The following PBX1 variants were observed in gnomAD, a reference collection of about 807,000 sequenced individuals.
The protein encoded by PBX1 is pre-B-cell leukemia transcription factor 1.
A neutral mutation model predicts 53.4 loss-of-function variants in PBX1; 6 were observed. The observed-to-expected ratio is 0.11, with a 90% CI of 0.06 to 0.22. The LOEUF is 0.22. Ranked by LOEUF, PBX1 falls within the 10% of genes least tolerant of loss-of-function variation. PBX1 has a pLI of 1.00. For missense variants in PBX1, 251 were observed against 551.4 expected (o/e 0.46, Z 5.46); for synonymous variants, 204 against 212.3 (o/e 0.96, Z 0.34).
intron 5 of PBX1, among the ~76,000 whole-genome samples, chr1:164,810,121 A>G (rs891155656): frequency 6.6e-6 from 1 of 152,162 alleles, no homozygotes; most frequent in Admixed American, 6.5e-5. Flanking sequence ...CATAAATTTT[A>G]CTTCCTAATG....
At chr1:164,602,672 A>G (rs1184690326) in intron 2 of PBX1, among the ~76,000 whole-genome samples, 1 of 145,368 alleles carries the variant, frequency 6.9e-6, no homozygotes, top group Non-Finnish European at 1.5e-5. Context: ...CCATTCCACT[A>G]CCTTCCCACC....
intron 3 of PBX1, 44 bp from the exon 4 acceptor site, chr1:164,799,655 G>A (rs754375695): frequency 6.3e-7 from 1 of 1,578,420 alleles, no homozygotes; most frequent in African/African-American, 1.3e-5. Context: ...TGCGTGTTGA[G>A]GCTTGGACCC....
chr1:164,590,417 C>T (rs140741365), intron 2 of PBX1: 45 of 455,946 alleles, frequency 9.9e-5, no homozygotes, highest in African/African-American at 6.2e-4. Flanking sequence ...CAATCGCCGC[C>T]GCCCCCCTGT....
chr1:164,791,232 A>G (rs975175358), intron 2 of PBX1, among the ~76,000 whole-genome samples: 3 of 139,150 alleles, frequency 2.2e-5, no homozygotes, highest in Non-Finnish European at 4.4e-5. Context: ...AAGGGGTAGT[A>G]AAAAAGACTG....
chr1:164,576,004 A>C (rs1315398103), intron 2 of PBX1, among the ~76,000 whole-genome samples: 3 of 152,200 alleles, frequency 2.0e-5, no homozygotes, highest in East Asian at 3.9e-4. Flanking sequence ...AAAAAGAAAA[A>C]ACAAAACCCA....
At chr1:164,683,923 ATCC>A (rs1661939570) in intron 2 of PBX1, 1 of 152,132 alleles carries the variant, frequency 6.6e-6, no homozygotes, top group African/African-American at 2.4e-5. Flanking sequence ...GGCACCAGCA[ATCC>A]TCCTGAGTAG....
At chr1:164,687,799 T>C (rs1319797152) in intron 2 of PBX1, among the ~76,000 whole-genome samples, 1 of 152,226 alleles carries the variant, frequency 6.6e-6, no homozygotes, top group African/African-American at 2.4e-5. Context: ...CACTTAGTTC[T>C]GAGTTCTTTC....
At chr1:164,601,499 G>C (rs1046467326) in intron 2 of PBX1, among the ~76,000 whole-genome samples, 1 of 152,126 alleles carries the variant, frequency 6.6e-6, no homozygotes, top group Non-Finnish European at 1.5e-5. Context: ...TATTCCACTG[G>C]AATAGGGGAA....
rs1408115043 is a variant in PBX1, at chr1:164,849,389, C to A, written c.*2713C>A. The A allele has an allele frequency of 9.8e-6, 15 of 1,535,642 alleles. No individual in the cohort carries two copies. The South Asian group carries it at 1.7e-4, about 17-fold the overall frequency. ...GCCCACTATCACTTCCGACTTCCAA[C>A]GTGGCATCCGTGAGATCTGTCCACA... On this transcript the variant is annotated 3_prime_UTR_variant, in exon 9 of 9. Coordinates refer to ENST00000420696, the MANE Select transcript of PBX1 (RefSeq NM_002585.4).
chr1:164,574,167 T>C (rs1654063620), intron 2 of PBX1, among the ~76,000 whole-genome samples: 1 of 152,216 alleles, frequency 6.6e-6, no homozygotes, highest in South Asian at 2.1e-4. Flanking sequence ...TAGCTCTTCA[T>C]TTTAGGTTCT....
chr1:164,624,774 A>G (rs939152691), intron 2 of PBX1, among the ~76,000 whole-genome samples: 2 of 152,196 alleles, frequency 1.3e-5, no homozygotes, highest in Non-Finnish European at 2.9e-5. Context: ...AGCTAAAAAT[A>G]CAATAACTCT....
intron 3 of PBX1, 88 bp from the exon 4 acceptor site, chr1:164,799,611 G>C (rs1254280903): frequency 8.3e-7 from 1 of 1,199,864 alleles, no homozygotes; most frequent in East Asian, 2.4e-5. Flanking sequence ...CAAGTCTCTA[G>C]AAAAGCCCAC....
rs922498500 is a variant in PBX1, at chr1:164,849,140, G to A, written c.*2464G>A. The stretch of plus-strand genomic sequence containing the variant: ...TTGACTTAGGGCAAAGTACGAAAGA[G>A]AGACAAAAGGGTTCTCTTGGAAACA... On this transcript the variant is annotated 3_prime_UTR_variant, in exon 9 of 9. Transcript: ENST00000420696. 7.2e-7 allele frequency: 1 copy of A among 1,383,796 alleles called. No individual in the cohort carries two copies. Among genetic ancestry groups the A allele is most frequent in the African/African-American group, 1.5e-5 (1 of 68,824 alleles). The allele number at this position is 1,383,796 out of a possible 1,614,324, so 85.7% of individuals were successfully genotyped here. A position where few individuals can be genotyped will look rare whatever the true frequency, so the allele number is the denominator to read the frequency against.
At chr1:164,567,616 C>T (rs1362340346) in intron 2 of PBX1, among the ~76,000 whole-genome samples, 2 of 152,088 alleles carry the variant, frequency 1.3e-5, no homozygotes, top group African/African-American at 4.8e-5. Context: ...AGCCGTAGAC[C>T]TACAACAATA....
chr1:164,772,564 G>T (rs1426914910), intron 2 of PBX1, among the ~76,000 whole-genome samples: 2 of 152,186 alleles, frequency 1.3e-5, no homozygotes, highest in Non-Finnish European at 2.9e-5. Flanking sequence ...ATATCAATTT[G>T]GAAAATTGTA....
rs1553214848 is a variant in PBX1 at position 164,603,961 on chromosome 1, T to TTA, written c.265+40651_265+40652dup. On this transcript the variant is annotated intron_variant, in intron 2 of 8. Transcript: ENST00000420696. ...TTTTTTTTTTTTTTTTTTTTTTTTT[T>TTA]TAGAGATGAGTCTCTGTCACCCAGG... is the stretch of plus-strand genomic sequence containing the variant. Among the ~76,000 whole-genome samples, 88 of 132,014 alleles carry TTA rather than the reference T, an allele frequency of 6.7e-4. 3 individuals carry two copies. The highest frequency in any genetic ancestry group is 2.5e-3 in the African/African-American group (88 of 35,116). The allele number at this position is 132,014 out of a possible 152,430, so 86.6% of individuals were successfully genotyped here.
intron 2 of PBX1, among the ~76,000 whole-genome samples, chr1:164,649,074 A>G (rs1398357723): frequency 6.6e-6 from 1 of 152,100 alleles, no homozygotes; most frequent in Non-Finnish European, 1.5e-5. Context: ...GATCATTTTC[A>G]GGGGGTCCAT....
intron 2 of PBX1, among the ~76,000 whole-genome samples, chr1:164,753,770 G>T (rs1196446622): frequency 6.6e-6 from 1 of 152,146 alleles, no homozygotes; most frequent in Non-Finnish European, 1.5e-5. Flanking sequence ...CTCCTCGTAT[G>T]TTAGCAATTT....
intron 2 of PBX1, chr1:164,774,659 A>C (rs1667557292): frequency 6.6e-6 from 1 of 152,172 alleles, no homozygotes; most frequent in African/African-American, 2.4e-5. Context: ...AATCTGTTCA[A>C]ATCCAGTAAC....
Sources: allele counts gnomAD v4.1 joint callset (sites outside exome capture counted in the v4.1 genomes callset), GRCh38; gene constraint gnomAD v4.1.1; transcripts MANE v1.5; gene names NCBI Gene and HGNC (gene_info 2026-07-23, HGNC 2026-07-21).